The following PAIP2 variants were observed in gnomAD, a reference collection of about 807,000 sequenced individuals.
PAIP2 encodes the protein poly(A) binding protein interacting protein 2.
A neutral mutation model predicts 14.8 loss-of-function variants in PAIP2; 7 were observed. The ratio of observed to expected loss-of-function variants is 0.47; its 90% CI spans 0.27 to 0.89. PAIP2 has a LOEUF of 0.89. Ranked by LOEUF, PAIP2 falls within the 40% of genes least tolerant of loss-of-function variation. The probability of loss-of-function intolerance (pLI) is 0.13; values close to 1 mark genes in which losing one functional copy is unlikely to be tolerated. For missense variants in PAIP2, 122 were observed against 154.7 expected (o/e 0.79, Z 1.12); for synonymous variants, 47 against 45.3 (o/e 1.04, Z -0.15).
At chr5:139,348,475 C>T (rs1276410115) in intron 1 of PAIP2, among the ~76,000 whole-genome samples, 2 of 151,958 alleles carry the variant, frequency 1.3e-5, no homozygotes, top group Admixed American at 1.3e-4. Context: ...CTGCCTCGGC[C>T]TCCTGAGTAG....
chr5:139,361,731 G>A (rs769610133), intron 1 of PAIP2, among the ~76,000 whole-genome samples: 15 of 152,054 alleles, frequency 9.9e-5, no homozygotes, highest in Non-Finnish European at 1.6e-4. Flanking sequence ...GATCATTTGA[G>A]GTCTTGAGTT....
chr5:139,355,158 GTC>G (rs988144797), intron 1 of PAIP2, among the ~76,000 whole-genome samples: 1 of 133,442 alleles, frequency 7.5e-6, no homozygotes, highest in Non-Finnish European at 1.6e-5. Context: ...ATTTCTATTT[GTC>G]TCTCTCTTTT....
chr5:139,364,054 A>G, intron 2 of PAIP2, 132 bp downstream of exon 2: 2 of 749,326 alleles, frequency 2.7e-6, no homozygotes, highest in Non-Finnish European at 4.3e-6. Flanking sequence ...ACTCCTGTTT[A>G]TTTGGCTGCT....
chr5:139,351,317 A>G (rs1756724718), intron 1 of PAIP2, among the ~76,000 whole-genome samples: 1 of 147,498 alleles, frequency 6.8e-6, no homozygotes, highest in South Asian at 2.1e-4. Flanking sequence ...GTCTCTACTA[A>G]AAAAAAAAAA....
chr5:139,362,114 C>CT (rs1238342091), intron 1 of PAIP2, among the ~76,000 whole-genome samples: 3 of 152,244 alleles, frequency 2.0e-5, no homozygotes, highest in South Asian at 2.1e-4. Flanking sequence ...TTAGTTTTCA[C>CT]TTTCAATCCC....
rs1171344867 is a variant in PAIP2 at position 139,368,882 on chromosome 5, C to T, written c.*84C>T. On this transcript the variant is annotated 3_prime_UTR_variant, in exon 4 of 4. Transcript: ENST00000265192. ...TAGAAGACTTAATTGTAAAAGCTCT[C>T]TTGTCACTGTGTTACACTTATGCAT... 9 of 1,036,744 alleles carry T rather than the reference C, an allele frequency of 8.7e-6. No individual in the cohort carries two copies. The highest frequency in any genetic ancestry group is 3.2e-5 in the African/African-American group (2 of 62,860). The allele number at this position is 1,036,744 out of a possible 1,614,324, so 64.2% of individuals were successfully genotyped here.
At chr5:139,368,684 A>G (rs1757455958) in intron 3 of PAIP2, 49 bp from the exon 4 acceptor site, 1 of 1,244,996 alleles carries the variant, frequency 8.0e-7, no homozygotes, top group Non-Finnish European at 1.2e-6. Context: ...TTGAATTAGT[A>G]CCTGAAACTG....
chr5:139,368,872 T>A lies in PAIP2; in HGVS notation c.*74T>A. 2 of 1,112,770 alleles carry A rather than the reference T, an allele frequency of 1.8e-6. No homozygotes were observed. Among genetic ancestry groups the A allele is most frequent in the Non-Finnish European group, 2.7e-6 (2 of 736,056 alleles). The allele number at this position is 1,112,770 out of a possible 1,614,324, so 68.9% of individuals were successfully genotyped here. ...AAGGCAGTATTAGAAGACTTAATTG[T>A]AAAAGCTCTCTTGTCACTGTGTTAC... On this transcript the variant is annotated 3_prime_UTR_variant, in exon 4 of 4. Coordinates refer to ENST00000265192, the MANE Select transcript of PAIP2 (RefSeq NM_016480.5).
In PAIP2 at chr5:139,346,934, C is replaced by T. The variant is rs529773670; in HGVS notation, c.-27+4954C>T. Among the ~76,000 whole-genome samples, 95 of 152,230 alleles carry T rather than the reference C, an allele frequency of 6.2e-4. 1 individual carries two copies. Among genetic ancestry groups the T allele is most frequent in the African/African-American group, 2.0e-3 (82 of 41,568 alleles). On this transcript the variant is annotated intron_variant, in intron 1 of 3. Coordinates refer to ENST00000265192, the MANE Select transcript of PAIP2 (RefSeq NM_016480.5). ...AAGCAGTGCTCCTGCCTCAGGCTCC[C>T]GAGTAGCTGGGACTACAGCTGTGCG...
At chr5:139,363,463 A>G (rs1367358622) in intron 1 of PAIP2, among the ~76,000 whole-genome samples, 2 of 152,286 alleles carry the variant, frequency 1.3e-5, no homozygotes, top group East Asian at 1.9e-4. Flanking sequence ...GCTCATGCAT[A>G]TAATCCCAGC....
At chr5:139,356,131 C>CT (rs946354214) in intron 1 of PAIP2, among the ~76,000 whole-genome samples, 50 of 145,148 alleles carry the variant, frequency 3.4e-4, no homozygotes, top group African/African-American at 1.3e-3. Flanking sequence ...GAGCAAAACT[C>CT]TGTCTCAAAA....
chr5:139,344,303 C>CTA (rs1311644199), intron 1 of PAIP2, among the ~76,000 whole-genome samples: 1 of 152,132 alleles, frequency 6.6e-6, no homozygotes, highest in Non-Finnish European at 1.5e-5. Context: ...TTTAAGGTGG[C>CTA]TATGTAGCAT....
At chr5:139,359,095 C>G (rs796970620) in intron 1 of PAIP2, among the ~76,000 whole-genome samples, 2 of 152,220 alleles carry the variant, frequency 1.3e-5, no homozygotes, top group African/African-American at 4.8e-5. Context: ...CCACCTCACT[C>G]TCCTGAGTAT....
At chr5:139,356,795 G>A (rs1296270614) in intron 1 of PAIP2, among the ~76,000 whole-genome samples, 9 of 151,762 alleles carry the variant, frequency 5.9e-5, no homozygotes, top group African/African-American at 2.2e-4. Context: ...GCTGAGGCAG[G>A]AGAATCGCTT....
intron 1 of PAIP2, among the ~76,000 whole-genome samples, chr5:139,350,277 G>A (rs1296900455): frequency 6.6e-6 from 1 of 151,976 alleles, no homozygotes; most frequent in Admixed American, 6.6e-5. Flanking sequence ...ACCACTTTCA[G>A]AATTGACCAG....
At chr5:139,345,628 T>A (rs1756518166) in intron 1 of PAIP2, among the ~76,000 whole-genome samples, 1 of 143,062 alleles carries the variant, frequency 7.0e-6, no homozygotes, top group South Asian at 2.1e-4. Context: ...ATGCTTGAAT[T>A]TTTTTTTTTT....
At position 139,355,166 on chromosome 5, in the gene PAIP2, CT is replaced by C. The variant is rs758442291; in HGVS notation, c.-26-8575del. On this transcript the variant is annotated intron_variant, in intron 1 of 3. Coordinates refer to ENST00000265192, the MANE Select transcript of PAIP2 (RefSeq NM_016480.5). ...CTCCAAAATTTCTATTTGTCTCTCTCTTTTTTTTTTTTTTTTTTGGAGACAG... is the reference window on the plus strand; with the variant it reads ...CTCCAAAATTTCTATTTGTCTCTCTCTTTTTTTTTTTTTTTTTGGAGACAG... 2.4e-3 allele frequency among the ~76,000 whole-genome samples: 285 copies of C among 118,734 alleles called. 1 individual carries two copies. The highest frequency in any genetic ancestry group is 0.015 in the East Asian group (60 of 4,130). The allele number at this position is 118,734 out of a possible 152,430, so 77.9% of individuals were successfully genotyped here.
At chr5:139,365,529 G>A (rs1757201774) in intron 3 of PAIP2, among the ~76,000 whole-genome samples, 1 of 151,966 alleles carries the variant, frequency 6.6e-6, no homozygotes, top group African/African-American at 2.4e-5. Context: ...AGCTGGACAT[G>A]GTGGCGGGCG....
intron 1 of PAIP2, among the ~76,000 whole-genome samples, chr5:139,355,899 C>T (rs1192265539): frequency 2.0e-5 from 3 of 148,302 alleles, no homozygotes; most frequent in Non-Finnish European, 4.5e-5. Flanking sequence ...GCCTGTAATC[C>T]TAGCACTTTG....
Sources: allele counts gnomAD v4.1 joint callset (sites outside exome capture counted in the v4.1 genomes callset), GRCh38; gene constraint gnomAD v4.1.1; transcripts MANE v1.5; gene names NCBI Gene and HGNC (gene_info 2026-07-23, HGNC 2026-07-21).